SLF2: variants seen among roughly 807,000 people sequenced by gnomAD.
The protein encoded by SLF2 is SMC5/6 complex localization factor 2, also known as SMC5-SMC6 complex localization factor protein 2.
In SLF2, 68 loss-of-function variants were observed where a neutral mutation model predicts 124.3. That is an observed-to-expected ratio of 0.55 (90% confidence interval 0.45 to 0.67). SLF2 has a LOEUF of 0.67. Among genes scored for constraint, SLF2 ranks in the 30% least tolerant of loss-of-function variants. SLF2 has a pLI of 0.00. For synonymous variants in SLF2, 480 were observed against 478.8 expected (o/e 1.00, Z -0.03); for missense variants, 1,246 against 1,373.7 (o/e 0.91, Z 1.47).
Position 100,929,558 on chromosome 10 carries a change from G to C in SLF2, c.2165+119G>C, listed in dbSNP as rs191095177. 4.4e-4 allele frequency: 402 copies of C among 914,662 alleles called. 1 individual carries two copies. In the Middle Eastern group the frequency reaches 0.011, roughly 25 times the overall value. The allele number at this position is 914,662 out of a possible 1,614,324, so 56.7% of individuals were successfully genotyped here. ...AGTGAATAATTTATGATAGGTTTCT[G>C]TCTGTAATGGGTTTGAAAGGCAAAT... is the stretch of plus-strand genomic sequence containing the variant. On this transcript the variant is annotated intron_variant, in intron 7 of 19. Coordinates refer to ENST00000238961, the MANE Select transcript of SLF2 (RefSeq NM_018121.4).
chr10:100,914,833 G>T (rs1404952708), intron 1 of SLF2, among the ~76,000 whole-genome samples: 1 of 152,182 alleles, frequency 6.6e-6, no homozygotes, highest in Non-Finnish European at 1.5e-5. Context: ...GACCAGTAAA[G>T]TGTACAAGAA....
rs1204132102 is a variant in SLF2 at position 100,917,062 on chromosome 10, A to T, written c.677A>T (p.His226Leu). ...AGCAGGAGCAGCCTGTCCAGGCACC[A>T]CCCGGAAGAAAGCCCACTGGGAGCT... ...LSSRSSLSRH[H>L]PEESPLGAKF... The change falls in exon 3 of 20, where the codon CAC becomes CTC. Residue 226 changes from histidine to leucine, a missense_variant. Transcript: ENST00000238961. 6.2e-7 allele frequency: 1 copy of T among 1,614,056 alleles called. No homozygotes were observed. The highest frequency in any genetic ancestry group is 1.3e-5 in the African/African-American group (1 of 74,912).
At chr10:100,922,415 C>T (rs903406814) in intron 4 of SLF2, among the ~76,000 whole-genome samples, 11 of 152,096 alleles carry the variant, frequency 7.2e-5, no homozygotes, top group African/African-American at 2.2e-4. Flanking sequence ...TTGTACTTTT[C>T]GCAGAGGCAG....
In SLF2 at chr10:100,924,458, T is replaced by C. The variant is rs755795284; in HGVS notation, c.1457T>C (p.Leu486Pro). Reference protein sequence around the residue: ...LSRVPSAGSSLVPLNAKNCAL... With the variant: ...LSRVPSAGSSPVPLNAKNCAL... ...CGTGTTCCAAGTGCTGGTTCCTCTC[T>C]AGTACCATTAAATGCTAAAAATTGT... is the stretch of plus-strand genomic sequence containing the variant. Residue 486 changes from leucine to proline, a missense_variant, in exon 5 of 20, where the codon CTA becomes CCA. Physicochemically the swap from Leu to Pro is moderately conservative, Grantham distance 98. Coordinates refer to ENST00000238961, the MANE Select transcript of SLF2 (RefSeq NM_018121.4). 1.9e-6 allele frequency: 3 copies of C among 1,614,042 alleles called. No homozygotes were observed. Among genetic ancestry groups the C allele is most frequent in the African/African-American group, 2.7e-5 (2 of 74,924 alleles).
At chr10:100,935,855 T>G (rs1179351851) in intron 9 of SLF2, among the ~76,000 whole-genome samples, 3 of 130,880 alleles carry the variant, frequency 2.3e-5, no homozygotes, top group Non-Finnish European at 4.9e-5. Context: ...GTTTTTTTTT[T>G]TTTCTTTTTT....
intron 1 of SLF2, among the ~76,000 whole-genome samples, chr10:100,915,632 A>T (rs1260874681): frequency 6.6e-6 from 1 of 152,188 alleles, no homozygotes; most frequent in Non-Finnish European, 1.5e-5. Context: ...ATGTCTGCAG[A>T]GAACAAGTAG....
chr10:100,956,622 A>T (rs1367550747), intron 18 of SLF2, 85 bp downstream of exon 18: 2 of 1,002,058 alleles, frequency 2.0e-6, no homozygotes, highest in Non-Finnish European at 3.0e-6. Context: ...ACAGGCCTAT[A>T]TTCAGAAAAA....
At chr10:100,961,314 T>C (rs1174226527) in intron 19 of SLF2, among the ~76,000 whole-genome samples, 1 of 152,136 alleles carries the variant, frequency 6.6e-6, no homozygotes, top group Non-Finnish European at 1.5e-5. Context: ...CTGGCTGATA[T>C]TCTGTAGTTC....
chr10:100,937,864 C>T (rs1849896501), intron 10 of SLF2, among the ~76,000 whole-genome samples: 1 of 152,180 alleles, frequency 6.6e-6, no homozygotes, highest in Admixed American at 6.5e-5. Context: ...CCCATCTTGG[C>T]CTCCCACAGT....
Position 100,924,440 on chromosome 10 carries a change from C to T in SLF2, c.1439C>T (p.Pro480Leu), listed in dbSNP as rs1416688501. 2 of 1,614,038 alleles carry T rather than the reference C, an allele frequency of 1.2e-6. No homozygotes were observed. Among genetic ancestry groups the T allele is most frequent in the Non-Finnish European group, 1.7e-6 (2 of 1,180,036 alleles). The change falls in exon 5 of 20, where the codon CCA becomes CTA. Residue 480 changes from proline to leucine, a missense_variant. Physicochemically the swap from Pro to Leu is moderately conservative, Grantham distance 98. Around this residue, in one of 3 missense-constraint regions of SLF2, gnomAD observed 698 missense variants for 708.9 expected, o/e 0.98. Transcript: ENST00000238961. The part of the protein sequence containing the change: ...ETKLPLLSRV[P>L]SAGSSLVPLN... ...AAACTACCTTTACTTTCCCGTGTTC[C>T]AAGTGCTGGTTCCTCTCTAGTACCA...
In SLF2 at chr10:100,916,944, G is replaced by T. The variant is rs1315585940; in HGVS notation, c.559G>T (p.Asp187Tyr). 1 of 1,614,140 alleles carries T rather than the reference G, an allele frequency of 6.2e-7. No homozygotes were observed. The highest frequency in any genetic ancestry group is 1.1e-5 in the South Asian group (1 of 91,080). The change falls in exon 3 of 20, where the codon GAT becomes TAT. Residue 187 changes from aspartate (D) to tyrosine (Y), a missense_variant. Asp to Tyr is a radical substitution (Grantham distance 160). Transcript: ENST00000238961. ...LFIHENNEKN[D>Y]RDRGKTNADS... is the part of the protein sequence containing the mutation. ...CATTCATGAAAATAATGAGAAGAAT[G>T]ATAGAGATCGAGGCAAAACCAATGC... is the stretch of plus-strand genomic sequence containing the variant.
intron 1 of SLF2, among the ~76,000 whole-genome samples, chr10:100,915,009 A>G (rs1849388980): frequency 1.3e-5 from 2 of 152,212 alleles, no homozygotes; most frequent in South Asian, 2.1e-4. Flanking sequence ...TCAGCATATC[A>G]TAACATCCCC....
At chr10:100,917,336 G>T in intron 3 of SLF2, 36 bp downstream of exon 3, 1 of 1,552,296 alleles carries the variant, frequency 6.4e-7, no homozygotes. Flanking sequence ...CATTGCTACT[G>T]CTATGTCATA....
At chr10:100,943,938 A>C (rs1056323848) in intron 11 of SLF2, 88 bp from the exon 12 acceptor site, 1 of 770,568 alleles carries the variant, frequency 1.3e-6, no homozygotes. Context: ...TCGATAAAAC[A>C]TAGTTTTTAA....
chr10:100,919,170 C>A (rs1306191035), intron 4 of SLF2, among the ~76,000 whole-genome samples: 3 of 151,912 alleles, frequency 2.0e-5, no homozygotes, highest in Non-Finnish European at 4.4e-5. Context: ...CACCACCATG[C>A]CCGACTAATT....
intron 17 of SLF2, among the ~76,000 whole-genome samples, chr10:100,951,766 T>G (rs1228962366): frequency 6.6e-6 from 1 of 152,240 alleles, no homozygotes; most frequent in African/African-American, 2.4e-5. Flanking sequence ...GCCATTCCCC[T>G]TTTGTTCCTT....
intron 2 of SLF2, among the ~76,000 whole-genome samples, chr10:100,916,356 A>G (rs571519112): frequency 1.3e-5 from 2 of 152,270 alleles, no homozygotes; most frequent in East Asian, 3.9e-4. Flanking sequence ...ACCAAAAGAG[A>G]GCTTTATGAA....
chr10:100,957,228 T>C (rs542957524), intron 18 of SLF2, among the ~76,000 whole-genome samples: 2 of 152,186 alleles, frequency 1.3e-5, no homozygotes, highest in South Asian at 4.2e-4. Flanking sequence ...GCTTTGAAAT[T>C]TTATGATGGT....
chr10:100,956,661 A>C, intron 18 of SLF2, 124 bp downstream of exon 18: 16 of 657,862 alleles, frequency 2.4e-5, no homozygotes, highest in East Asian at 2.8e-5. Context: ...ATGGTGGCTC[A>C]TGCCTGTAAT....
Sources: gnomAD v4.1 joint callset for allele counts (sites outside exome capture counted in the v4.1 genomes callset) on GRCh38, gnomAD v4.1.1 for gene constraint, gnomAD v4.1.1 regional missense constraint, MANE v1.5 for transcripts, NCBI Gene and HGNC (gene_info 2026-07-23, HGNC 2026-07-21) for gene names.